The following PPP2R5E variants were observed in gnomAD, a reference collection of about 807,000 sequenced individuals.
PPP2R5E encodes protein phosphatase 2 regulatory subunit B'epsilon.
In PPP2R5E, 4 loss-of-function variants were observed where a neutral mutation model predicts 65.3. The ratio of observed to expected loss-of-function variants is 0.06; its 90% confidence interval spans 0.03 to 0.14. The LOEUF is 0.14. Among genes scored for constraint, PPP2R5E ranks in the 10% least tolerant of loss-of-function variants. The probability of loss-of-function intolerance (pLI) is 1.00; values close to 1 mark genes in which losing one functional copy is unlikely to be tolerated. For synonymous variants in PPP2R5E, 183 were observed against 187.4 expected (o/e 0.98, Z 0.19); for missense variants, 274 against 556.1 (o/e 0.49, Z 5.10).
chr14:63,508,590 AT>A (rs1423462675), intron 2 of PPP2R5E, among the ~76,000 whole-genome samples: 3 of 152,216 alleles, frequency 2.0e-5, no homozygotes, highest in Admixed American at 2.0e-4. Flanking sequence ...GCATAGAGAG[AT>A]TAAATAACTT....
intron 2 of PPP2R5E, among the ~76,000 whole-genome samples, chr14:63,500,023 G>A (rs554742609): frequency 1.3e-5 from 2 of 152,212 alleles, no homozygotes; most frequent in East Asian, 1.9e-4. Flanking sequence ...TGTAACTATT[G>A]TAAACAGGTA....
intron 5 of PPP2R5E, among the ~76,000 whole-genome samples, 178 bp downstream of exon 5, chr14:63,414,962 T>G (rs935756375): frequency 6.6e-6 from 1 of 152,106 alleles, no homozygotes; most frequent in Non-Finnish European, 1.5e-5. Flanking sequence ...TAAATAAACT[T>G]AAATGTACCT....
At chr14:63,483,580 A>G (rs1890819436) in intron 2 of PPP2R5E, among the ~76,000 whole-genome samples, 1 of 152,110 alleles carries the variant, frequency 6.6e-6, no homozygotes. Context: ...AGAGGGCGCC[A>G]CTAGAGAAAA....
At chr14:63,529,838 T>C (rs1893339273) in intron 2 of PPP2R5E, among the ~76,000 whole-genome samples, 1 of 152,208 alleles carries the variant, frequency 6.6e-6, no homozygotes, top group Non-Finnish European at 1.5e-5. Context: ...ATGCCCTGTC[T>C]TGCATATAAA....
At chr14:63,400,775 C>T (rs1410642758) in intron 5 of PPP2R5E, among the ~76,000 whole-genome samples, 1 of 147,302 alleles carries the variant, frequency 6.8e-6, no homozygotes, top group South Asian at 2.2e-4. Flanking sequence ...ACCTCTAATC[C>T]ACCTACCCAA....
intron 3 of PPP2R5E, among the ~76,000 whole-genome samples, chr14:63,423,570 T>C (rs556026709): frequency 6.6e-6 from 1 of 152,132 alleles, no homozygotes; most frequent in South Asian, 2.1e-4. Flanking sequence ...CAGGAGAACA[T>C]GCGTAAAAAG....
chr14:63,533,468 G>A (rs1893525933), intron 2 of PPP2R5E, among the ~76,000 whole-genome samples: 1 of 152,184 alleles, frequency 6.6e-6, no homozygotes, highest in Non-Finnish European at 1.5e-5. Context: ...GGCTGAGGCA[G>A]GAAAATGGCT....
intron 3 of PPP2R5E, among the ~76,000 whole-genome samples, chr14:63,444,430 T>C (rs1169196694): frequency 6.6e-6 from 1 of 152,232 alleles, no homozygotes; most frequent in East Asian, 1.9e-4. Context: ...CACGTGAGTA[T>C]TCCCTCTACC....
intron 2 of PPP2R5E, among the ~76,000 whole-genome samples, chr14:63,471,375 A>T (rs1443149504): frequency 6.6e-6 from 1 of 152,234 alleles, no homozygotes; most frequent in African/African-American, 2.4e-5. Context: ...TTAATGAATG[A>T]ATAACCCAAA....
In PPP2R5E at chr14:63,378,751, A is replaced by G. The variant is rs572474980; in HGVS notation, c.1305-2643T>C. On this transcript the variant is annotated intron_variant, in intron 13 of 13. Transcript: ENST00000337537. ...TCTTCTAATTTCAATTTTACATAGC[A>G]CTAATGTTGGCATATGTATCTAACA... 7.9e-5 allele frequency among the ~76,000 whole-genome samples: 12 copies of G among 152,348 alleles called. No individual in the cohort carries two copies. In the South Asian group the frequency reaches 2.5e-3, roughly 32 times the overall value.
At position 63,490,442 on chromosome 14, in the gene PPP2R5E, T is replaced by A. The variant is rs148829063; in HGVS notation, c.158-36557A>T. 6.3e-3 allele frequency among the ~76,000 whole-genome samples: 951 copies of A among 151,694 alleles called. 13 individuals carry two copies. Among genetic ancestry groups the A allele is most frequent in the African/African-American group, 0.022 (913 of 41,344 alleles). On this transcript the variant is annotated intron_variant, in intron 2 of 13. Coordinates refer to ENST00000337537, the MANE Select transcript of PPP2R5E (RefSeq NM_006246.5). Reference sequence around the variant, plus strand: ...ACAGTGAAAGAAATTATCAACAGAGTAAACAGACAACCTACAGAATGGGAG... The same window carrying A: ...ACAGTGAAAGAAATTATCAACAGAGAAAACAGACAACCTACAGAATGGGAG...
chr14:63,440,841 C>A (rs968083761), intron 3 of PPP2R5E, among the ~76,000 whole-genome samples: 1 of 148,836 alleles, frequency 6.7e-6, no homozygotes, highest in African/African-American at 2.5e-5. Flanking sequence ...CCCAGCTACT[C>A]GGGAGGCTGA....
At chr14:63,464,764 G>A (rs1261246730) in intron 2 of PPP2R5E, among the ~76,000 whole-genome samples, 1 of 152,218 alleles carries the variant, frequency 6.6e-6, no homozygotes, top group Non-Finnish European at 1.5e-5. Flanking sequence ...GCTCATGCCT[G>A]TAATCCCAGC....
chr14:63,413,114 A>G (rs1470950365), intron 5 of PPP2R5E, among the ~76,000 whole-genome samples: 1 of 152,222 alleles, frequency 6.6e-6, no homozygotes, highest in Non-Finnish European at 1.5e-5. Context: ...AAGAACTAGA[A>G]TACATAACCC....
At chr14:63,522,120 T>G (rs1039520897) in intron 2 of PPP2R5E, among the ~76,000 whole-genome samples, 1 of 151,940 alleles carries the variant, frequency 6.6e-6, no homozygotes, top group Non-Finnish European at 1.5e-5. Context: ...GTTTTCGTAT[T>G]TTTTTGGTGG....
At chr14:63,494,912 A>G (rs1265823403) in intron 2 of PPP2R5E, among the ~76,000 whole-genome samples, 1 of 151,604 alleles carries the variant, frequency 6.6e-6, no homozygotes, top group Non-Finnish European at 1.5e-5. Flanking sequence ...ACAAAAAGCA[A>G]AAACAAAAAG....
In PPP2R5E at chr14:63,421,010, G is replaced by A. The variant is rs371487318; in HGVS notation, c.456+983C>T. On this transcript the variant is annotated intron_variant, in intron 4 of 13. Transcript: ENST00000337537. ...GGAGCTTGCAGTGAGCCGAGATCCCGCCACTGCACTCCAGCCTGGGCGACA... is the reference window on the plus strand; with the variant it reads ...GGAGCTTGCAGTGAGCCGAGATCCCACCACTGCACTCCAGCCTGGGCGACA... 3.6e-4 allele frequency among the ~76,000 whole-genome samples: 27 copies of A among 74,436 alleles called. 3 individuals carry two copies. The East Asian group carries it at 0.011, about 29-fold the overall frequency. 48.8% of individuals were successfully genotyped at this position (74,436 alleles called of 152,430 possible).
chr14:63,437,798 C>G (rs1051112333), intron 3 of PPP2R5E, among the ~76,000 whole-genome samples: 1 of 152,132 alleles, frequency 6.6e-6, no homozygotes, highest in African/African-American at 2.4e-5. Context: ...CTTCCTTGTC[C>G]ATTTTGTCAA....
At chr14:63,504,393 C>T (rs1297184385) in intron 2 of PPP2R5E, among the ~76,000 whole-genome samples, 1 of 152,036 alleles carries the variant, frequency 6.6e-6, no homozygotes, top group Non-Finnish European at 1.5e-5. Flanking sequence ...ACCAGCCTGG[C>T]AAACATGGCA....
Sources: allele counts gnomAD v4.1 joint callset (sites outside exome capture counted in the v4.1 genomes callset), GRCh38; gene constraint gnomAD v4.1.1; transcripts MANE v1.5; gene names NCBI Gene and HGNC (gene_info 2026-07-23, HGNC 2026-07-21).